The following RGS7 variants were observed in gnomAD, a reference collection of about 807,000 sequenced individuals.
RGS7 encodes the protein regulator of G-protein signaling 7.
A neutral mutation model predicts 81.1 loss-of-function variants in RGS7; 27 were observed. The ratio of observed to expected loss-of-function variants is 0.33; its 90% CI spans 0.25 to 0.46. RGS7 has a LOEUF of 0.46. Among genes scored for constraint, RGS7 ranks in the 20% least tolerant of loss-of-function variants. RGS7 has a pLI of 1.00. For missense variants in RGS7, 396 were observed against 607.4 expected (o/e 0.65, Z 3.66); for synonymous variants, 208 against 207.7 (o/e 1.00, Z -0.01).
intron 18 of RGS7, among the ~76,000 whole-genome samples, chr1:240,782,806 T>A (rs1222470467): frequency 6.6e-6 from 1 of 152,216 alleles, no homozygotes; most frequent in Non-Finnish European, 1.5e-5. Flanking sequence ...ATGGCACTTT[T>A]AAAAAACGAA....
chr1:240,900,812 C>T (rs1468127970), intron 6 of RGS7, among the ~76,000 whole-genome samples: 1 of 152,206 alleles, frequency 6.6e-6, no homozygotes, highest in African/African-American at 2.4e-5. Context: ...GCACTACTCT[C>T]TTCAAAGCTG....
chr1:241,322,228 T>G (rs534196744), intron 2 of RGS7, among the ~76,000 whole-genome samples: 1 of 152,366 alleles, frequency 6.6e-6, no homozygotes, highest in East Asian at 1.9e-4. Flanking sequence ...CTCACCTTGC[T>G]CACCTTTATA....
chr1:241,199,595 G>A (rs1258746210), intron 2 of RGS7, among the ~76,000 whole-genome samples: 1 of 150,110 alleles, frequency 6.7e-6, no homozygotes, highest in Admixed American at 6.6e-5. Context: ...ATGCAATAAG[G>A]CAAGAAAAAG....
intron 14 of RGS7, among the ~76,000 whole-genome samples, chr1:240,807,481 G>C (rs1689065089): frequency 6.6e-6 from 1 of 152,086 alleles, no homozygotes; most frequent in Admixed American, 6.6e-5. Context: ...TAACTACTAA[G>C]CTTTAACTTG....
intron 6 of RGS7, among the ~76,000 whole-genome samples, chr1:240,923,606 G>C (rs1673941104): frequency 6.6e-6 from 1 of 151,786 alleles, no homozygotes; most frequent in Non-Finnish European, 1.5e-5. Flanking sequence ...GAATGACAAA[G>C]GCTTGGAAAG....
At chr1:240,947,240 C>A (rs1469650286) in intron 4 of RGS7, among the ~76,000 whole-genome samples, 1 of 152,092 alleles carries the variant, frequency 6.6e-6, no homozygotes, top group Non-Finnish European at 1.5e-5. Context: ...AAATTTTTAC[C>A]ATTTTCATTA....
chr1:241,226,561 C>T (rs1248578958), intron 2 of RGS7, among the ~76,000 whole-genome samples: 1 of 152,098 alleles, frequency 6.6e-6, no homozygotes, highest in Non-Finnish European at 1.5e-5. Flanking sequence ...CCAGACCACC[C>T]CTGCACTCAT....
chr1:241,074,558 G>T (rs939331648), intron 3 of RGS7, among the ~76,000 whole-genome samples: 24 of 152,334 alleles, frequency 1.6e-4, no homozygotes, highest in African/African-American at 5.5e-4. Flanking sequence ...CTGGCTTCAC[G>T]TTCAGACAGA....
At chr1:241,057,077 G>T (rs867337643) in intron 3 of RGS7, among the ~76,000 whole-genome samples, 1 of 151,414 alleles carries the variant, frequency 6.6e-6, no homozygotes, top group African/African-American at 2.4e-5. Flanking sequence ...TGGGGTTACT[G>T]ATTTAGTTAA....
chr1:241,255,724 A>G (rs751807266), intron 2 of RGS7, among the ~76,000 whole-genome samples: 88 of 152,282 alleles, frequency 5.8e-4, no homozygotes, highest in Middle Eastern at 3.4e-3. Flanking sequence ...TGAATTCTGC[A>G]TTCGTATTCA....
intron 4 of RGS7, among the ~76,000 whole-genome samples, chr1:240,978,038 C>T (rs1414785678): frequency 6.6e-6 from 1 of 152,164 alleles, no homozygotes; most frequent in Non-Finnish European, 1.5e-5. Flanking sequence ...AGGTCCAGCT[C>T]GCTCCCCACC....
intron 2 of RGS7, among the ~76,000 whole-genome samples, chr1:241,166,308 T>C (rs1439029311): frequency 6.6e-6 from 1 of 152,180 alleles, no homozygotes; most frequent in Non-Finnish European, 1.5e-5. Flanking sequence ...AGTCAGCGTA[T>C]GCAAAGAACT....
intron 14 of RGS7, among the ~76,000 whole-genome samples, chr1:240,807,714 G>A (rs1405906000): frequency 2.0e-5 from 3 of 152,162 alleles, no homozygotes; most frequent in Non-Finnish European, 4.4e-5. Flanking sequence ...TTAAAACACA[G>A]ATTTAGACAC....
intron 3 of RGS7, among the ~76,000 whole-genome samples, chr1:241,023,734 A>T (rs1558611686): frequency 6.6e-6 from 1 of 151,564 alleles, no homozygotes; most frequent in Non-Finnish European, 1.5e-5. Flanking sequence ...AATGCTTTTC[A>T]TATTGATTGA....
chr1:241,274,479 A>G (rs2078086600), intron 2 of RGS7, among the ~76,000 whole-genome samples: 1 of 152,212 alleles, frequency 6.6e-6, no homozygotes, highest in Non-Finnish European at 1.5e-5. Flanking sequence ...AACTATGTAC[A>G]TGGAACTAAT....
At chr1:241,128,885 T>C (rs1453734058) in intron 2 of RGS7, among the ~76,000 whole-genome samples, 1 of 151,052 alleles carries the variant, frequency 6.6e-6, no homozygotes, top group East Asian at 2.0e-4. Flanking sequence ...TACATTTCCC[T>C]ACCCCGTAAT....
chr1:241,204,349 C>T (rs2073733114), intron 2 of RGS7, among the ~76,000 whole-genome samples: 1 of 152,122 alleles, frequency 6.6e-6, no homozygotes, highest in South Asian at 2.1e-4. Flanking sequence ...TTATTTTATC[C>T]TCTAGGTCAC....
At chr1:241,109,337 G>A (rs1252018137) in intron 2 of RGS7, among the ~76,000 whole-genome samples, 1 of 151,886 alleles carries the variant, frequency 6.6e-6, no homozygotes, top group South Asian at 2.1e-4. Context: ...ACTGACGTCC[G>A]TCTTTATCCC....
chr1:240,811,913 T>C lies in RGS7; in HGVS notation c.1082+5A>G, dbSNP rs2275742. 0.55 allele frequency: 881,247 copies of C among 1,605,578 alleles called. 248,725 individuals carry two copies. The highest frequency in any genetic ancestry group is 0.59 in the Non-Finnish European group (687,324 of 1,172,414). ...GGCTTATAAGATCCAAGCAATGTGT[T>C]TTACCTTAAATTTTCCGAGCTGAAT... is the stretch of plus-strand genomic sequence containing the variant. On this transcript the variant is annotated splice_donor_5th_base_variant and intron_variant, in intron 14 of 18. Transcript: ENST00000440928.
Sources: allele counts gnomAD v4.1 joint callset (sites outside exome capture counted in the v4.1 genomes callset), GRCh38; gene constraint gnomAD v4.1.1; transcripts MANE v1.5; gene names NCBI Gene and HGNC (gene_info 2026-07-23, HGNC 2026-07-21).